Variants in PTPRM observed in about 807,000 individuals in gnomAD.
PTPRM encodes the protein protein tyrosine phosphatase receptor type M.
Under a neutral mutation model 186.7 loss-of-function variants are expected in PTPRM, and 47 were observed. That is an observed-to-expected ratio of 0.25 (90% confidence interval 0.20 to 0.32). The LOEUF is 0.32. PTPRM is among the 10% of genes least tolerant of loss of function. The pLI is 1.00. For synonymous variants in PTPRM, 668 were observed against 674.9 expected (o/e 0.99, Z 0.16); for missense variants, 1,494 against 1,865.0 (o/e 0.80, Z 3.66).
chr18:8,063,877 C>A (rs1038584489), intron 7 of PTPRM, among the ~76,000 whole-genome samples: 1 of 152,154 alleles, frequency 6.6e-6, no homozygotes, highest in Non-Finnish European at 1.5e-5. Flanking sequence ...ACTAGCCAAA[C>A]CAAGAACTAA....
chr18:8,239,490 C>T (rs2094391854), intron 14 of PTPRM, among the ~76,000 whole-genome samples: 1 of 151,192 alleles, frequency 6.6e-6, no homozygotes, highest in African/African-American at 2.5e-5. Flanking sequence ...GTGTGAGCCC[C>T]CTTAAAACTA....
In PTPRM at chr18:8,273,515, C is replaced by CCCAAAG. The variant is rs764358000; in HGVS notation, c.2754+20104_2754+20109dup. Among the ~76,000 whole-genome samples the CCCAAAG allele has an allele frequency of 1.1e-3, 161 of 152,258 alleles. 3 individuals carry two copies. In the Middle Eastern group the frequency reaches 0.014, roughly 13 times the overall value. On this transcript the variant is annotated intron_variant, in intron 19 of 32. Transcript: ENST00000580170. Reference sequence around the variant, plus strand: ...CATTCATCTTCTCTTTTGTCACTGACCCAAAGCCTAGACTTCAGCCAGGTC... The same window carrying CCCAAAG: ...CATTCATCTTCTCTTTTGTCACTGACCCAAAGCCAAAGCCTAGACTTCAGCCAGGTC...
At chr18:8,368,379 G>A (rs1044285004) in intron 23 of PTPRM, among the ~76,000 whole-genome samples, 3 of 151,956 alleles carry the variant, frequency 2.0e-5, no homozygotes, top group African/African-American at 7.2e-5. Flanking sequence ...ATTTTTGATA[G>A]AGCAAAGGTA....
chr18:8,183,625 G>T (rs1022418329), intron 14 of PTPRM, among the ~76,000 whole-genome samples: 1 of 152,084 alleles, frequency 6.6e-6, no homozygotes, highest in East Asian at 1.9e-4. Flanking sequence ...TCCAGGCACC[G>T]TGTTAACCAA....
chr18:8,355,487 A>C (rs2095558735), intron 23 of PTPRM, among the ~76,000 whole-genome samples: 1 of 152,162 alleles, frequency 6.6e-6, no homozygotes, highest in Admixed American at 6.5e-5. Context: ...AGGCCTTGTC[A>C]TGGATATACC....
chr18:8,236,097 T>C (rs1400003046), intron 14 of PTPRM, among the ~76,000 whole-genome samples: 1 of 152,220 alleles, frequency 6.6e-6, no homozygotes, highest in Admixed American at 6.5e-5. Flanking sequence ...AGTTGATTGA[T>C]GGTGCTCTTG....
At chr18:7,939,707 G>A (rs2052047246) in intron 5 of PTPRM, among the ~76,000 whole-genome samples, 1 of 152,158 alleles carries the variant, frequency 6.6e-6, no homozygotes, top group East Asian at 1.9e-4. Context: ...ACTGTGCTTT[G>A]CATGGTGTCT....
At chr18:8,219,640 G>T (rs2094132084) in intron 14 of PTPRM, among the ~76,000 whole-genome samples, 1 of 152,174 alleles carries the variant, frequency 6.6e-6, no homozygotes, top group Non-Finnish European at 1.5e-5. Flanking sequence ...GATTAGTTTA[G>T]CCCATAAAGG....
rs530515449 is a variant in PTPRM, at chr18:8,265,519, T to TA, written c.2754+12111dup. On this transcript the variant is annotated intron_variant, in intron 19 of 32. Transcript: ENST00000580170. ...TTGGGCATGAAAGCCCAAGGTTTTCTAAAAAATCTTCTCTGGAAGTTGATG... is the reference window on the plus strand; with the variant it reads ...TTGGGCATGAAAGCCCAAGGTTTTCTAAAAAAATCTTCTCTGGAAGTTGATG... Among the ~76,000 whole-genome samples, 11 of 152,332 alleles carry TA rather than the reference T, an allele frequency of 7.2e-5. No homozygotes were observed. The East Asian group carries it at 1.9e-3, about 27-fold the overall frequency.
At chr18:8,365,236 C>T (rs2095621214) in intron 23 of PTPRM, among the ~76,000 whole-genome samples, 1 of 152,230 alleles carries the variant, frequency 6.6e-6, no homozygotes, top group Non-Finnish European at 1.5e-5. Flanking sequence ...TCCTTCACCA[C>T]CATCTAATTT....
chr18:7,945,144 A>G (rs2052433455), intron 5 of PTPRM, among the ~76,000 whole-genome samples: 3 of 152,138 alleles, frequency 2.0e-5, no homozygotes, highest in South Asian at 2.1e-4. Flanking sequence ...GTGATGCCCT[A>G]TGCTGCCTCA....
At chr18:8,273,302 C>T (rs1446052638) in intron 19 of PTPRM, among the ~76,000 whole-genome samples, 1 of 152,164 alleles carries the variant, frequency 6.6e-6, no homozygotes, top group Non-Finnish European at 1.5e-5. Context: ...ATAGGAAGTT[C>T]ATGTAAAATG....
At chr18:8,311,511 A>C (rs146838543) in intron 20 of PTPRM, among the ~76,000 whole-genome samples, 3 of 152,110 alleles carry the variant, frequency 2.0e-5, no homozygotes, top group African/African-American at 4.8e-5. Context: ...GGAGTTAGGC[A>C]TGTGACCTTG....
intron 1 of PTPRM, among the ~76,000 whole-genome samples, chr18:7,691,459 A>G (rs147137947): frequency 7.6e-4 from 116 of 152,292 alleles, no homozygotes; most frequent in African/African-American, 2.6e-3. Flanking sequence ...GGAGGAGTGG[A>G]GTATGAAAAC....
chr18:7,897,121 G>A (rs978954898), intron 3 of PTPRM, among the ~76,000 whole-genome samples: 1 of 152,204 alleles, frequency 6.6e-6, no homozygotes, highest in Non-Finnish European at 1.5e-5. Context: ...ATGGAAAGAA[G>A]CACTGGGTTA....
chr18:8,267,144 C>T (rs1475686770), intron 19 of PTPRM, among the ~76,000 whole-genome samples: 1 of 152,104 alleles, frequency 6.6e-6, no homozygotes, highest in Non-Finnish European at 1.5e-5. Flanking sequence ...GGTAATTATG[C>T]ATGTGAGTTC....
chr18:8,364,068 C>T (rs892709860), intron 23 of PTPRM, among the ~76,000 whole-genome samples: 7 of 152,272 alleles, frequency 4.6e-5, no homozygotes, highest in African/African-American at 1.7e-4. Flanking sequence ...CTGAAACTAT[C>T]CAGACTTCCA....
rs374824565 is a variant in PTPRM, at chr18:8,394,623, C to T, written c.4344+12C>T. 8 of 1,601,210 alleles carry T rather than the reference C, an allele frequency of 5.0e-6. No individual in the cohort carries two copies. The highest frequency in any genetic ancestry group is 1.1e-5 in the South Asian group (1 of 89,060). On this transcript the variant is annotated intron_variant, in intron 32 of 32. Coordinates refer to ENST00000580170, the MANE Select transcript of PTPRM (RefSeq NM_001105244.2). The stretch of plus-strand genomic sequence containing the variant: ...TGGTCGACCTCCTGGTAGGACACCC[C>T]CTCTGAGCTGTTCCATGAGACACCC...
intron 7 of PTPRM, among the ~76,000 whole-genome samples, chr18:7,966,167 AT>A: frequency 6.6e-6 from 1 of 152,352 alleles, no homozygotes; most frequent in South Asian, 2.1e-4. Flanking sequence ...TTAAAAATGA[AT>A]AACGCATATA....
Sources: gnomAD v4.1 joint callset for allele counts (sites outside exome capture counted in the v4.1 genomes callset) on GRCh38, gnomAD v4.1.1 for gene constraint, MANE v1.5 for transcripts, NCBI Gene and HGNC (gene_info 2026-07-23, HGNC 2026-07-21) for gene names.